TRPC4AP: variants seen among roughly 807,000 people sequenced by gnomAD.
TRPC4AP encodes short transient receptor potential channel 4-associated protein.
In TRPC4AP, 45 loss-of-function variants were observed where a neutral mutation model predicts 99.0. The ratio of observed to expected loss-of-function variants is 0.45; its 90% CI spans 0.36 to 0.58. The LOEUF is 0.58. Ranked by LOEUF, TRPC4AP falls within the 20% of genes least tolerant of loss-of-function variation. The pLI, the probability that TRPC4AP is intolerant of heterozygous loss-of-function variation, is 0.00. For missense variants in TRPC4AP, 879 were observed against 985.3 expected (o/e 0.89, Z 1.44); for synonymous variants, 408 against 385.8 (o/e 1.06, Z -0.67).
At position 35,086,465 on chromosome 20, in the gene TRPC4AP, GTGTGTGTGTGTATGTGTGTGTATA is replaced by G. The variant is rs1194143006; in HGVS notation, c.168+6125_168+6148del. Among the ~76,000 whole-genome samples, 9 of 116,160 alleles carry G rather than the reference GTGTGTGTGTGTATGTGTGTGTATA, an allele frequency of 7.7e-5. 1 individual carries two copies. Among genetic ancestry groups the G allele is most frequent in the African/African-American group, 2.7e-4 (8 of 29,862 alleles). The allele number at this position is 116,160 out of a possible 152,430, so 76.2% of individuals were successfully genotyped here. A position where few individuals can be genotyped will look rare whatever the true frequency, so the allele number is the denominator to read the frequency against. On this transcript the variant is annotated intron_variant, in intron 1 of 18. Coordinates refer to ENST00000252015, the MANE Select transcript of TRPC4AP (RefSeq NM_015638.3). ...TGTGTGTGTGTGTGTGTGTGTGTGT[GTGTGTGTGTGTATGTGTGTGTATA>G]TATATATGTGTATATATATGTGTGT...
chr20:35,053,825 CCTA>C (rs1293323707), intron 5 of TRPC4AP, among the ~76,000 whole-genome samples: 2 of 152,166 alleles, frequency 1.3e-5, no homozygotes, highest in Non-Finnish European at 2.9e-5. Flanking sequence ...ACCACTTCTT[CCTA>C]CTTTTTTCTT....
chr20:35,004,713 G>A, intron 16 of TRPC4AP, 143 bp from the exon 17 acceptor site: 5 of 670,898 alleles, frequency 7.5e-6, no homozygotes, highest in Non-Finnish European at 1.3e-5. Context: ...GCTGACTGTG[G>A]CAGAAAGAAG....
chr20:35,092,532 G>T, intron 1 of TRPC4AP, 82 bp downstream of exon 1: 4 of 1,382,750 alleles, frequency 2.9e-6, no homozygotes, highest in Non-Finnish European at 3.7e-6. Flanking sequence ...TCCAGCGGCG[G>T]CCTGGAAAGG....
chr20:35,065,220 C>T (rs1464220829), intron 3 of TRPC4AP, among the ~76,000 whole-genome samples: 1 of 152,176 alleles, frequency 6.6e-6, no homozygotes, highest in Non-Finnish European at 1.5e-5. Flanking sequence ...AAGATTTTTA[C>T]CTACAAATCT....
intron 8 of TRPC4AP, among the ~76,000 whole-genome samples, chr20:35,032,463 T>C (rs1047896431): frequency 1.4e-5 from 2 of 145,158 alleles, no homozygotes; most frequent in African/African-American, 2.5e-5. Context: ...TTTAGTTCTT[T>C]GATCTTTTTT....
At chr20:35,067,067 C>A (rs2084164427) in intron 3 of TRPC4AP, among the ~76,000 whole-genome samples, 1 of 152,178 alleles carries the variant, frequency 6.6e-6, no homozygotes, top group Non-Finnish European at 1.5e-5. Context: ...AAAGGAGAGA[C>A]AGACATTTCT....
intron 8 of TRPC4AP, among the ~76,000 whole-genome samples, chr20:35,023,843 TCTG>T (rs1422127077): frequency 6.6e-6 from 1 of 152,252 alleles, no homozygotes; most frequent in Non-Finnish European, 1.5e-5. Context: ...GAAATGAACG[TCTG>T]CGAAGAAAGA....
At chr20:35,029,793 G>A (rs1234130514) in intron 8 of TRPC4AP, among the ~76,000 whole-genome samples, 1 of 148,450 alleles carries the variant, frequency 6.7e-6, no homozygotes, top group Non-Finnish European at 1.5e-5. Context: ...CCGCCACCAC[G>A]CCCAGCTAAT....
intron 1 of TRPC4AP, among the ~76,000 whole-genome samples, chr20:35,090,663 T>G (rs1203842750): frequency 6.6e-6 from 1 of 152,182 alleles, no homozygotes; most frequent in African/African-American, 2.4e-5. Flanking sequence ...AATGAGCCAC[T>G]GTGCCCAGCC....
chr20:35,028,608 G>C (rs926419456), intron 8 of TRPC4AP, among the ~76,000 whole-genome samples: 2 of 152,132 alleles, frequency 1.3e-5, no homozygotes, highest in Non-Finnish European at 2.9e-5. Flanking sequence ...CTGTCCTGGA[G>C]AATGTTCATG....
At chr20:35,058,376 A>G (rs1178461863) in intron 3 of TRPC4AP, among the ~76,000 whole-genome samples, 1 of 152,236 alleles carries the variant, frequency 6.6e-6, no homozygotes, top group Admixed American at 6.5e-5. Context: ...GTGCACATGA[A>G]ACATTCTCCA....
At chr20:35,046,091 A>G (rs2083556947) in intron 6 of TRPC4AP, among the ~76,000 whole-genome samples, 1 of 152,142 alleles carries the variant, frequency 6.6e-6, no homozygotes, top group Non-Finnish European at 1.5e-5. Context: ...CCAGAGTGAG[A>G]GCAAGAATTC....
intron 8 of TRPC4AP, among the ~76,000 whole-genome samples, chr20:35,033,297 T>A (rs1352686348): frequency 7.2e-5 from 11 of 152,206 alleles, no homozygotes; most frequent in African/African-American, 2.4e-4. Flanking sequence ...AGTGACTTGG[T>A]TAGACTATTT....
intron 8 of TRPC4AP, among the ~76,000 whole-genome samples, chr20:35,031,540 C>T (rs949250869): frequency 1.3e-5 from 2 of 151,394 alleles, no homozygotes; most frequent in African/African-American, 2.4e-5. Context: ...CAGGCCTCAG[C>T]GTTTTTATTA....
chr20:35,007,508 G>T (rs151089444), intron 14 of TRPC4AP, 42 bp downstream of exon 14: 5 of 1,598,118 alleles, frequency 3.1e-6, no homozygotes, highest in Admixed American at 3.3e-5. Flanking sequence ...GCGTGGGCTG[G>T]GGGGAGACGG....
chr20:35,020,776 A>G (rs1466482680), intron 9 of TRPC4AP, among the ~76,000 whole-genome samples: 2 of 152,104 alleles, frequency 1.3e-5, no homozygotes, highest in Admixed American at 1.3e-4. Context: ...AACCTTGCAC[A>G]TCTGGAGCTC....
chr20:35,021,130 A>T, intron 9 of TRPC4AP, 60 bp downstream of exon 9: 1 of 1,570,748 alleles, frequency 6.4e-7, no homozygotes, highest in Non-Finnish European at 8.7e-7. Flanking sequence ...CACCTGGCAT[A>T]CCATGAGCAC....
At chr20:35,028,600 G>A (rs754622148) in intron 8 of TRPC4AP, among the ~76,000 whole-genome samples, 8 of 152,130 alleles carry the variant, frequency 5.3e-5, no homozygotes, top group Non-Finnish European at 1.5e-5. Context: ...CATATGGTCT[G>A]TCCTGGAGAA....
Position 35,005,767 on chromosome 20 carries a change from C to T in TRPC4AP, c.1864G>A (p.Val622Met). The change falls in exon 16 of 19, where the codon GTG becomes ATG. Residue 622 changes from valine (V) to methionine (M), a missense_variant. By Grantham distance (21) the Val-to-Met change is conservative (BLOSUM62 1). Transcript: ENST00000252015. Reference sequence around the variant, plus strand: ...CAGCGCACCAGCATGTTGGAGTCCACCAGGGAGCTGTTGATCTGCTTCAGG... The same window carrying T: ...CAGCGCACCAGCATGTTGGAGTCCATCAGGGAGCTGTTGATCTGCTTCAGG... ...VFLKQINSSL[V>M]DSNMLVRCVT... is the part of the protein sequence containing the mutation. The T allele has an allele frequency of 2.5e-6, 4 of 1,614,190 alleles. No individual in the cohort carries two copies. The highest frequency in any genetic ancestry group is 2.5e-6 in the Non-Finnish European group (3 of 1,180,016).
Sources: allele counts gnomAD v4.1 joint callset (sites outside exome capture counted in the v4.1 genomes callset), GRCh38; gene constraint gnomAD v4.1.1; transcripts MANE v1.5; gene names NCBI Gene and HGNC (gene_info 2026-07-23, HGNC 2026-07-21).